Variants in ROBO2 observed in about 807,000 individuals in gnomAD.
The protein encoded by ROBO2 is roundabout homolog 2.
A neutral mutation model predicts 160.8 loss-of-function variants in ROBO2; 53 were observed. The ratio of observed to expected loss-of-function variants is 0.33; its 90% CI spans 0.26 to 0.41. The LOEUF (loss-of-function observed/expected upper bound fraction) is 0.41, where lower values mean the gene tolerates loss of function less well. ROBO2 is among the 10% of genes least tolerant of loss of function. The pLI is 1.00. For synonymous variants in ROBO2, 664 were observed against 611.7 expected (o/e 1.09, Z -1.26); for missense variants, 1,577 against 1,722.4 (o/e 0.92, Z 1.49).
Position 77,284,390 on chromosome 3 carries a change from G to T in ROBO2, c.388+186050G>T, listed in dbSNP as rs143790977. Among the ~76,000 whole-genome samples the T allele has an allele frequency of 2.7e-3, 417 of 152,220 alleles. 3 individuals carry two copies. Among genetic ancestry groups the T allele is most frequent in the African/African-American group, 9.6e-3 (398 of 41,520 alleles). On this transcript the variant is annotated intron_variant, in intron 2 of 25. Coordinates refer to ENST00000461745, the Ensembl canonical transcript of ROBO2. ...ATGGTGTCTACCCAGATGTCCCTGCGTGTGGTAATAATAATGGTACCTAGC... is the reference window on the plus strand; with the variant it reads ...ATGGTGTCTACCCAGATGTCCCTGCTTGTGGTAATAATAATGGTACCTAGC...
intron 2 of ROBO2, among the ~76,000 whole-genome samples, chr3:77,405,038 T>C (rs2076147202): frequency 6.6e-6 from 1 of 152,306 alleles, no homozygotes; most frequent in African/African-American, 2.4e-5. Context: ...TTTACCTACC[T>C]ATCCCACGAG....
intron 2 of ROBO2, among the ~76,000 whole-genome samples, chr3:77,109,297 A>G (rs954712239): frequency 6.6e-6 from 1 of 152,230 alleles, no homozygotes. Context: ...GATCTGTTAC[A>G]CAACAGTGTG....
At chr3:76,834,078 C>CTTTCT (rs2067386962) in intron 2 of ROBO2, among the ~76,000 whole-genome samples, 1 of 96,124 alleles carries the variant, frequency 1.0e-5, no homozygotes, top group African/African-American at 4.1e-5. Flanking sequence ...TTCTTTCTTT[C>CTTTCT]TTTCTTTCTT....
intron 1 of ROBO2, among the ~76,000 whole-genome samples, chr3:77,061,201 C>A (rs149516450): frequency 6.6e-6 from 1 of 152,036 alleles, no homozygotes; most frequent in Non-Finnish European, 1.5e-5. Flanking sequence ...TACATACAGA[C>A]GGAAGCAGAT....
chr3:77,016,768 G>A (rs1034147786), intron 2 of ROBO2, among the ~76,000 whole-genome samples: 10 of 152,116 alleles, frequency 6.6e-5, no homozygotes, highest in African/African-American at 1.7e-4. Flanking sequence ...GGAAGTATAC[G>A]TCACTAAAAT....
At chr3:77,205,439 G>C (rs1047201132) in intron 2 of ROBO2, among the ~76,000 whole-genome samples, 1 of 151,898 alleles carries the variant, frequency 6.6e-6, no homozygotes, top group Non-Finnish European at 1.5e-5. Flanking sequence ...CTGTTCATCT[G>C]CTTGTCTCTC....
intron 21 of ROBO2, among the ~76,000 whole-genome samples, chr3:77,615,657 G>T (rs980853956): frequency 2.0e-5 from 3 of 152,084 alleles, no homozygotes; most frequent in Admixed American, 1.3e-4. Context: ...TCTTTTTATG[G>T]CTTGACAGCT....
At chr3:76,256,344 TCTCTC>T (rs1706375221) in intron 2 of ROBO2, among the ~76,000 whole-genome samples, 3 of 81,132 alleles carry the variant, frequency 3.7e-5, no homozygotes, top group South Asian at 1.0e-3. Context: ...TCTCTCTCTC[TCTCTC>T]TCTCACATAC....
At chr3:76,274,296 A>C (rs1017686983) in intron 2 of ROBO2, among the ~76,000 whole-genome samples, 1 of 152,110 alleles carries the variant, frequency 6.6e-6, no homozygotes, top group Admixed American at 6.6e-5. Flanking sequence ...ACATGTATAC[A>C]TATGTAACTA....
chr3:76,720,544 T>C (rs1459542805), intron 2 of ROBO2, among the ~76,000 whole-genome samples: 2 of 152,224 alleles, frequency 1.3e-5, no homozygotes, highest in Non-Finnish European at 2.9e-5. Flanking sequence ...AGATAATTCT[T>C]ACTCGGTACA....
intron 2 of ROBO2, among the ~76,000 whole-genome samples, chr3:77,167,411 A>G (rs2150707583): frequency 6.6e-6 from 1 of 152,284 alleles, no homozygotes. Flanking sequence ...AAGTTGTTAA[A>G]ACATCTTTTG....
At chr3:77,139,809 A>G (rs927901337) in intron 2 of ROBO2, among the ~76,000 whole-genome samples, 1 of 152,124 alleles carries the variant, frequency 6.6e-6, no homozygotes, top group Non-Finnish European at 1.5e-5. Context: ...CTCTTTAGTC[A>G]CTTTGCTTCC....
At chr3:76,679,574 T>G (rs937975492) in intron 2 of ROBO2, among the ~76,000 whole-genome samples, 2 of 152,148 alleles carry the variant, frequency 1.3e-5, no homozygotes, top group Admixed American at 6.5e-5. Flanking sequence ...AACCTAAATT[T>G]GGAAGAAAAC....
intron 2 of ROBO2, among the ~76,000 whole-genome samples, chr3:76,982,314 G>T (rs985291037): frequency 6.6e-6 from 1 of 152,116 alleles, no homozygotes; most frequent in Non-Finnish European, 1.5e-5. Flanking sequence ...GTCTCAGAAT[G>T]ATTTTTTTGA....
At chr3:76,011,263 A>G (rs2066184936) in intron 2 of ROBO2, among the ~76,000 whole-genome samples, 2 of 152,174 alleles carry the variant, frequency 1.3e-5, no homozygotes, top group African/African-American at 4.8e-5. Context: ...GATCACTTCA[A>G]GGTGGCTGGC....
intron 2 of ROBO2, among the ~76,000 whole-genome samples, chr3:76,926,161 C>A (rs2076978932): frequency 6.6e-6 from 1 of 152,162 alleles, no homozygotes. Flanking sequence ...CTCACTGTAT[C>A]TAAATGATAT....
intron 2 of ROBO2, among the ~76,000 whole-genome samples, chr3:76,929,683 A>AGT (rs2077212961): frequency 6.6e-6 from 1 of 152,138 alleles, no homozygotes; most frequent in South Asian, 2.1e-4. Flanking sequence ...AAGAGACTCC[A>AGT]GTGTGTGTGG....
chr3:76,601,696 G>C (rs2087155473), intron 2 of ROBO2, among the ~76,000 whole-genome samples: 1 of 152,206 alleles, frequency 6.6e-6, no homozygotes. Flanking sequence ...CTCCAGGCCT[G>C]TGATTGAAGG....
intron 2 of ROBO2, among the ~76,000 whole-genome samples, chr3:76,273,619 A>C (rs187615010): frequency 6.6e-6 from 1 of 152,234 alleles, no homozygotes; most frequent in African/African-American, 2.4e-5. Context: ...GCCCCTCTTA[A>C]AACCATCAGA....
Sources: allele counts gnomAD v4.1 joint callset (sites outside exome capture counted in the v4.1 genomes callset), GRCh38; gene constraint gnomAD v4.1.1; transcripts MANE v1.5; gene names NCBI Gene and HGNC (gene_info 2026-07-23, HGNC 2026-07-21).